PKHD1: variants seen among roughly 807,000 people sequenced by gnomAD.
PKHD1 encodes the protein fibrocystin.
A neutral mutation model predicts 412.0 loss-of-function variants in PKHD1; 291 were observed. The observed-to-expected ratio is 0.71, with a 90% CI of 0.64 to 0.78. The LOEUF (loss-of-function observed/expected upper bound fraction) is 0.78. Ranked by LOEUF, PKHD1 falls within the 30% of genes least tolerant of loss-of-function variation. The probability of loss-of-function intolerance (pLI) is 0.00; values close to 1 mark genes in which losing one functional copy is unlikely to be tolerated. For synonymous variants in PKHD1, 1,777 were observed against 1,821.5 expected (o/e 0.98, Z 0.62); for missense variants, 4,825 against 4,950.7 (o/e 0.97, Z 0.76).
intron 14 of PKHD1, among the ~76,000 whole-genome samples, chr6:52,061,865 A>T (rs1808727892): frequency 6.6e-6 from 1 of 152,172 alleles, no homozygotes; most frequent in Admixed American, 6.5e-5. Flanking sequence ...CTAAGGAAAC[A>T]GTGTGTCTAA....
chr6:51,985,794 TAGAA>T (rs1197909672), intron 35 of PKHD1, among the ~76,000 whole-genome samples: 1 of 152,178 alleles, frequency 6.6e-6, no homozygotes, highest in Non-Finnish European at 1.5e-5. Context: ...TCTTTTAAAA[TAGAA>T]AGGTTTCTTT....
At chr6:51,984,899 T>C (rs1796021206) in intron 35 of PKHD1, among the ~76,000 whole-genome samples, 1 of 152,132 alleles carries the variant, frequency 6.6e-6, no homozygotes, top group Non-Finnish European at 1.5e-5. Context: ...CGTCCAAGGA[T>C]GGTGCTAAAT....
chr6:51,824,668 AAAG>A (rs1311602190), intron 52 of PKHD1, among the ~76,000 whole-genome samples: 2 of 152,150 alleles, frequency 1.3e-5, no homozygotes, highest in Non-Finnish European at 2.9e-5. Context: ...TTCACTTTCT[AAAG>A]AAGGTCAAAG....
intron 60 of PKHD1, among the ~76,000 whole-genome samples, chr6:51,736,826 G>T (rs1485265358): frequency 6.6e-6 from 1 of 151,706 alleles, no homozygotes; most frequent in Non-Finnish European, 1.5e-5. Context: ...GGATAAATGG[G>T]AAAAAAGAGA....
At chr6:51,864,851 AT>A (rs1467115683) in intron 48 of PKHD1, among the ~76,000 whole-genome samples, 1 of 152,112 alleles carries the variant, frequency 6.6e-6, no homozygotes. Flanking sequence ...GCACATCACA[AT>A]TTGGACTAGG....
chr6:51,693,577 G>A lies in PKHD1; in HGVS notation c.10157-33608C>T, dbSNP rs1230409372. Among the ~76,000 whole-genome samples, 6 of 152,170 alleles carry A rather than the reference G, an allele frequency of 3.9e-5. No individual in the cohort carries two copies. The East Asian group carries it at 1.2e-3, about 29-fold the overall frequency. On this transcript the variant is annotated intron_variant, in intron 60 of 66. Coordinates refer to ENST00000371117, the MANE Select transcript of PKHD1 (RefSeq NM_138694.4). The stretch of plus-strand genomic sequence containing the variant: ...TAGAGATAGACTAAAGAGAAGTTCA[G>A]AAATTTGCTGAACAAATAAGTGATG...
chr6:51,929,184 G>A (rs958516350), intron 37 of PKHD1, among the ~76,000 whole-genome samples: 9 of 152,034 alleles, frequency 5.9e-5, no homozygotes, highest in Admixed American at 2.6e-4. Flanking sequence ...ACATGAAAAT[G>A]GGCTCTAGAA....
intron 60 of PKHD1, among the ~76,000 whole-genome samples, chr6:51,683,324 T>C (rs149136340): frequency 1.4e-3 from 207 of 152,120 alleles, no homozygotes; most frequent in Middle Eastern, 6.8e-3. Flanking sequence ...AGATACACAA[T>C]TGACACTAAA....
chr6:51,932,268 G>T (rs1474797905), intron 37 of PKHD1, among the ~76,000 whole-genome samples: 1 of 152,166 alleles, frequency 6.6e-6, no homozygotes, highest in Non-Finnish European at 1.5e-5. Flanking sequence ...GTATATTTAT[G>T]AGTTCTTTCT....
intron 45 of PKHD1, among the ~76,000 whole-genome samples, chr6:51,883,602 T>C (rs762372384): frequency 1.2e-4 from 19 of 152,206 alleles, no homozygotes; most frequent in Non-Finnish European, 2.4e-4. Flanking sequence ...TATTAACTCA[T>C]ACTGTCAGAA....
intron 36 of PKHD1, among the ~76,000 whole-genome samples, chr6:51,951,196 T>C (rs1449089582): frequency 1.3e-5 from 2 of 152,190 alleles, no homozygotes; most frequent in Non-Finnish European, 2.9e-5. Flanking sequence ...CCTTTCTACA[T>C]CTAGAAAACC....
intron 52 of PKHD1, among the ~76,000 whole-genome samples, chr6:51,796,776 G>A (rs182741577): frequency 6.6e-6 from 1 of 151,696 alleles, no homozygotes; most frequent in East Asian, 1.9e-4. Flanking sequence ...TTCAGGAGGA[G>A]AAGGTTGTTC....
chr6:51,772,654 A>G, intron 55 of PKHD1, 48 bp downstream of exon 55: 1 of 920,444 alleles, frequency 1.1e-6, no homozygotes, highest in South Asian at 1.5e-5. Flanking sequence ...AGCAGAAGCA[A>G]CCTAAACAAC....
At position 51,699,920 on chromosome 6, in the gene PKHD1, AGT is replaced by A. The variant is rs148337538; in HGVS notation, c.10157-39953_10157-39952del. On this transcript the variant is annotated intron_variant, in intron 60 of 66. Transcript: ENST00000371117. Reference sequence around the variant, plus strand: ...TTTGGCCTCTGGAATATATATATGGAGTGTGTGTGTGTGTGTGTGTGTGTGTG... The same window carrying A: ...TTTGGCCTCTGGAATATATATATGGAGTGTGTGTGTGTGTGTGTGTGTGTG... Among the ~76,000 whole-genome samples, 352 of 137,894 alleles carry A rather than the reference AGT, an allele frequency of 2.6e-3. 4 individuals carry two copies. Among genetic ancestry groups the A allele is most frequent in the African/African-American group, 8.2e-3 (313 of 38,078 alleles). 90.5% of individuals were successfully genotyped at this position (137,894 alleles called of 152,430 possible). A position where few individuals can be genotyped will look rare whatever the true frequency, so the allele number is the denominator to read the frequency against.
At chr6:51,777,942 T>C (rs1486665285) in intron 53 of PKHD1, among the ~76,000 whole-genome samples, 1 of 152,090 alleles carries the variant, frequency 6.6e-6, no homozygotes, top group African/African-American at 2.4e-5. Context: ...GAATTTGGCT[T>C]CCTTTTTGTA....
At chr6:51,635,177 G>C (rs1768369416) in intron 64 of PKHD1, among the ~76,000 whole-genome samples, 1 of 152,060 alleles carries the variant, frequency 6.6e-6, no homozygotes, top group South Asian at 2.1e-4. Flanking sequence ...TGATCCTTCA[G>C]TCTCAGCCTC....
intron 52 of PKHD1, among the ~76,000 whole-genome samples, chr6:51,823,019 T>C (rs1369644812): frequency 1.3e-5 from 2 of 152,094 alleles, no homozygotes; most frequent in Non-Finnish European, 2.9e-5. Flanking sequence ...ATGCATAGTT[T>C]CTTTAAGAAA....
intron 27 of PKHD1, among the ~76,000 whole-genome samples, chr6:52,042,047 T>C (rs543581673): frequency 1.3e-5 from 2 of 152,302 alleles, no homozygotes; most frequent in East Asian, 3.9e-4. Flanking sequence ...CAATAATTAC[T>C]GGGTTAATAC....
At chr6:52,002,440 C>T (rs2128101244) in intron 35 of PKHD1, among the ~76,000 whole-genome samples, 1 of 152,342 alleles carries the variant, frequency 6.6e-6, no homozygotes, top group Middle Eastern at 3.4e-3. Flanking sequence ...CCAGCTTCTC[C>T]TCCCCCTGAA....
Sources: gnomAD v4.1 joint callset for allele counts (sites outside exome capture counted in the v4.1 genomes callset) on GRCh38, gnomAD v4.1.1 for gene constraint, MANE v1.5 for transcripts, NCBI Gene and HGNC (gene_info 2026-07-23, HGNC 2026-07-21) for gene names.